The following SLC26A8 variants were observed in gnomAD, a reference collection of about 807,000 sequenced individuals.
The protein encoded by SLC26A8 is testis anion transporter 1.
Under a neutral mutation model 105.0 loss-of-function variants are expected in SLC26A8, and 70 were observed. The observed-to-expected ratio is 0.67, with a 90% confidence interval of 0.55 to 0.81. The LOEUF is 0.81. Ranked by LOEUF, SLC26A8 falls within the 40% of genes least tolerant of loss-of-function variation. The probability of loss-of-function intolerance (pLI) is 0.00; values close to 1 mark genes in which losing one functional copy is unlikely to be tolerated. For missense variants in SLC26A8, 998 were observed against 1,181.8 expected, an observed-to-expected ratio of 0.84 and a Z score of 2.28; for synonymous variants, 415 against 438.3, an observed-to-expected ratio of 0.95 and a Z score of 0.66.
chr6:35,977,758 A>G (rs972536433), intron 8 of SLC26A8, among the ~76,000 whole-genome samples: 6 of 152,164 alleles, frequency 3.9e-5, no homozygotes, highest in African/African-American at 1.4e-4. Context: ...AATACTTTCC[A>G]AATCTTTCTA....
Position 35,943,707 on chromosome 6 carries a change from T to C in SLC26A8, c.*193A>G. 12 of 718,738 alleles carry C rather than the reference T, an allele frequency of 1.7e-5. No individual in the cohort carries two copies. Among genetic ancestry groups the C allele is most frequent in the Non-Finnish European group, 2.6e-5 (12 of 458,198 alleles). The allele number at this position is 718,738 out of a possible 1,614,324, so 44.5% of individuals were successfully genotyped here. ...TGGATAGGGAATTCAGAGATAATTG[T>C]TGGCATTTAGTAATGTGATTTGGGA... is the stretch of plus-strand genomic sequence containing the variant. On this transcript the variant is annotated 3_prime_UTR_variant, in exon 20 of 20. Coordinates refer to ENST00000490799, the MANE Select transcript of SLC26A8 (RefSeq NM_052961.4).
intron 3 of SLC26A8, among the ~76,000 whole-genome samples, chr6:36,010,804 G>C (rs185166426): frequency 6.6e-6 from 1 of 152,156 alleles, no homozygotes; most frequent in Admixed American, 6.6e-5. Context: ...CTCCCAAAGT[G>C]CTGGGATTAC....
intron 2 of SLC26A8, among the ~76,000 whole-genome samples, chr6:36,017,492 C>T (rs542181361): frequency 6.6e-6 from 1 of 151,906 alleles, no homozygotes; most frequent in Admixed American, 6.6e-5. Flanking sequence ...ATTAGCTGGG[C>T]GTGGTGGCAC....
intron 10 of SLC26A8, among the ~76,000 whole-genome samples, chr6:35,974,759 C>T (rs1054180101): frequency 2.0e-5 from 3 of 152,126 alleles, no homozygotes; most frequent in Non-Finnish European, 2.9e-5. Context: ...TTGTTTGAGA[C>T]GGAATCTCAT....
chr6:35,993,210 A>G (rs1306557493), intron 5 of SLC26A8, among the ~76,000 whole-genome samples: 2 of 128,300 alleles, frequency 1.6e-5, no homozygotes, highest in Non-Finnish European at 1.6e-5. Flanking sequence ...TTGCTATATT[A>G]CCTAGGCTGG....
intron 1 of SLC26A8, among the ~76,000 whole-genome samples, chr6:36,022,848 T>A (rs1461366032): frequency 1.3e-5 from 2 of 151,464 alleles, no homozygotes; most frequent in East Asian, 4.0e-4. Context: ...CCCAAGAAGA[T>A]GCAATGACCA....
chr6:35,977,032 C>T (rs1339917757), intron 9 of SLC26A8, among the ~76,000 whole-genome samples, 172 bp downstream of exon 9: 2 of 152,114 alleles, frequency 1.3e-5, no homozygotes, highest in African/African-American at 4.8e-5. Context: ...CAGGTTAATT[C>T]AAGTGCCCTC....
At chr6:35,956,418 A>C (rs939759115) in intron 16 of SLC26A8, among the ~76,000 whole-genome samples, 2 of 126,542 alleles carry the variant, frequency 1.6e-5, no homozygotes, top group Non-Finnish European at 3.3e-5. Context: ...ACAGAGCAAG[A>C]CCTTATGTCC....
At chr6:35,977,703 T>C (rs1773093555) in intron 8 of SLC26A8, among the ~76,000 whole-genome samples, 2 of 152,134 alleles carry the variant, frequency 1.3e-5, no homozygotes, top group South Asian at 4.1e-4. Context: ...AAGGAAGAAA[T>C]AATGCCTATT....
chr6:35,984,515 G>A (rs1011706977), intron 7 of SLC26A8, among the ~76,000 whole-genome samples: 2 of 151,524 alleles, frequency 1.3e-5, no homozygotes, highest in African/African-American at 4.9e-5. Context: ...GTAGAGATGG[G>A]GTTTCATCAT....
At chr6:35,944,607 C>T (rs1771604147) in intron 19 of SLC26A8, among the ~76,000 whole-genome samples, 1 of 151,326 alleles carries the variant, frequency 6.6e-6, no homozygotes, top group Admixed American at 6.6e-5. Context: ...GTCCTAGCTA[C>T]TCAGGAGGCT....
chr6:35,970,731 T>C (rs1429644763), intron 10 of SLC26A8, among the ~76,000 whole-genome samples: 1 of 152,092 alleles, frequency 6.6e-6, no homozygotes, highest in African/African-American at 2.4e-5. Flanking sequence ...ATAAGTTGTA[T>C]AAAACTAGGT....
Position 35,980,971 on chromosome 6 carries a change from A to C in SLC26A8, c.1025+1150T>G, listed in dbSNP as rs188994376. Among the ~76,000 whole-genome samples the C allele has an allele frequency of 2.5e-3, 383 of 152,086 alleles. 4 individuals carry two copies. Among genetic ancestry groups the C allele is most frequent in the Non-Finnish European group, 3.0e-3 (206 of 67,992 alleles). ...AGGTTGCAGTGAGCTGAGATGGCGC[A>C]TTGCACTCCAGCCTGGGCGACAGAG... is the stretch of plus-strand genomic sequence containing the variant. On this transcript the variant is annotated intron_variant, in intron 8 of 19. Coordinates refer to ENST00000490799, the MANE Select transcript of SLC26A8 (RefSeq NM_052961.4).
At chr6:35,988,393 G>A (rs139507112) in intron 7 of SLC26A8, among the ~76,000 whole-genome samples, 1 of 152,236 alleles carries the variant, frequency 6.6e-6, no homozygotes, top group Non-Finnish European at 1.5e-5. Context: ...TGGCACGTTG[G>A]GACACTGAGG....
At chr6:35,977,076 T>G (rs1369186274) in intron 9 of SLC26A8, 128 bp downstream of exon 9, 5 of 1,020,980 alleles carry the variant, frequency 4.9e-6, no homozygotes, top group Non-Finnish European at 7.0e-6. Context: ...CAAAAATCCT[T>G]TGTGATTACT....
rs552024426 is a variant in SLC26A8, at chr6:35,961,966, G to A, written c.1461+560C>T. ...TTCAAGGCTGGGTGCAGTGGCTCAC[G>A]CCTGTAATCCCAGCACTTTGGGAGG... On this transcript the variant is annotated intron_variant, in intron 12 of 19. Transcript: ENST00000490799. Among the ~76,000 whole-genome samples, 6 of 152,308 alleles carry A rather than the reference G, an allele frequency of 3.9e-5. No homozygotes were observed. The East Asian group carries it at 5.8e-4, about 15-fold the overall frequency.
intron 2 of SLC26A8, among the ~76,000 whole-genome samples, chr6:36,018,565 G>T (rs1324336373): frequency 6.6e-6 from 1 of 152,156 alleles, no homozygotes; most frequent in Non-Finnish European, 1.5e-5. Context: ...TGATGAAAAA[G>T]TTTTGGAAAT....
intron 3 of SLC26A8, among the ~76,000 whole-genome samples, chr6:36,003,074 TCTTTTCCTTTGGG>T (rs1368891168): frequency 6.6e-6 from 1 of 152,210 alleles, no homozygotes; most frequent in East Asian, 1.9e-4. Flanking sequence ...GATTTATCGG[TCTTTTCCTTTGGG>T]CTTTTCCTTT....
At chr6:35,984,147 T>G (rs1279527522) in intron 7 of SLC26A8, among the ~76,000 whole-genome samples, 6 of 152,106 alleles carry the variant, frequency 3.9e-5, no homozygotes. Flanking sequence ...GAGCACAAAT[T>G]ATGTCACAAA....
Sources: gnomAD v4.1 joint callset for allele counts (sites outside exome capture counted in the v4.1 genomes callset) on GRCh38, gnomAD v4.1.1 for gene constraint, MANE v1.5 for transcripts, NCBI Gene and HGNC (gene_info 2026-07-23, HGNC 2026-07-21) for gene names.